ABCF3: variants seen among roughly 807,000 people sequenced by gnomAD.
The protein encoded by ABCF3 is ATP-binding cassette sub-family F member 3.
A neutral mutation model predicts 94.3 loss-of-function variants in ABCF3; 62 were observed. That is an observed-to-expected ratio of 0.66 (90% CI 0.54 to 0.81). ABCF3 has a LOEUF of 0.81. Among genes scored for constraint, ABCF3 ranks in the 40% least tolerant of loss-of-function variants. The pLI is 0.00. For missense variants in ABCF3, 843 were observed against 925.3 expected, an observed-to-expected ratio of 0.91 and a Z score of 1.15; for synonymous variants, 355 against 361.1, an observed-to-expected ratio of 0.98 and a Z score of 0.19.
intron 6 of ABCF3, 23 bp downstream of exon 6, chr3:184,188,006 G>T (rs1248589371): frequency 1.2e-6 from 2 of 1,613,600 alleles, no homozygotes; most frequent in Non-Finnish European, 1.7e-6. Context: ...TGGTGGCAGG[G>T]GTTGGCTTTC....
chr3:184,187,897 C>G lies in ABCF3; in HGVS notation c.483C>G (p.Ser161Arg). 1 of 1,614,124 alleles carries G rather than the reference C, an allele frequency of 6.2e-7. No individual in the cohort carries two copies. Among genetic ancestry groups the G allele is most frequent in the Non-Finnish European group, 8.5e-7 (1 of 1,180,040 alleles). Residue 161 changes from serine (S) to arginine (R), a missense_variant, in exon 6 of 21, where the codon AGC becomes AGG. Ser to Arg is a moderately radical substitution (Grantham distance 110, BLOSUM62 -1). Transcript: ENST00000429586. The stretch of plus-strand genomic sequence containing the variant: ...AGGCATCAGCCAGCCAGGCAGGCAG[C>G]AGAAAGGAGAGTCGGTTGGAATCAT... ...LEEASASQAG[S>R]RKESRLESSG...
rs1715784566 is a variant in ABCF3 at position 184,188,353 on chromosome 3, G to A, written c.782G>A (p.Arg261Gln). The change falls in exon 7 of 21, where the codon CGA becomes CAA. Residue 261 changes from arginine to glutamine, a missense_variant. Physicochemically the swap from Arg to Gln is conservative, Grantham distance 43 (BLOSUM62 1). Transcript: ENST00000429586. ...LQSVLESDSVREDLLRREREL... is the reference protein window; with the variant it reads ...LQSVLESDSVQEDLLRREREL... Reference sequence around the variant, plus strand: ...AGTGTGCTGGAGAGTGACAGTGTGCGAGAGGATTTGCTACGGAGGGAGCGG... The same window carrying A: ...AGTGTGCTGGAGAGTGACAGTGTGCAAGAGGATTTGCTACGGAGGGAGCGG... 5 of 1,613,648 alleles carry A rather than the reference G, an allele frequency of 3.1e-6. No homozygotes were observed. The highest frequency in any genetic ancestry group is 2.7e-5 in the African/African-American group (2 of 74,956).
At position 184,187,443 on chromosome 3, in the gene ABCF3, G is replaced by A; in HGVS notation, c.348G>A (p.Ser116=). The change falls in exon 4 of 21, where the codon TCG becomes TCA. Residue 116 remains serine (S), a splice_region_variant and synonymous_variant. Coordinates refer to ENST00000429586, the MANE Select transcript of ABCF3 (RefSeq NM_018358.3). ...LPGLLKREQS[S]TVNAKKLEKA... ...GACTGCTAAAGAGGGAACAGTCCTCGGTGAGGAGGAGGAAGCAAGGGAGGG... is the reference window on the plus strand; with the variant it reads ...GACTGCTAAAGAGGGAACAGTCCTCAGTGAGGAGGAGGAAGCAAGGGAGGG... 1.9e-6 allele frequency: 3 copies of A among 1,613,364 alleles called. No individual in the cohort carries two copies. The highest frequency in any genetic ancestry group is 2.5e-6 in the Non-Finnish European group (3 of 1,179,920).
In ABCF3 at chr3:184,191,256, G is replaced by A. The variant is rs1716007049; in HGVS notation, c.1569+1G>A. On this transcript the variant is annotated splice_donor_variant, in intron 16 of 20. Transcript: ENST00000429586. LOFTEE classifies it high-confidence loss of function. ...TGATCTCGAGTCTCGCATCTGTGTGGTAAGGCTGCTGTTTCTCTGTGCTGC... is the reference window on the plus strand; with the variant it reads ...TGATCTCGAGTCTCGCATCTGTGTGATAAGGCTGCTGTTTCTCTGTGCTGC... The A allele has an allele frequency of 6.2e-7, 1 of 1,614,032 alleles. No homozygotes were observed. The highest frequency in any genetic ancestry group is 8.5e-7 in the Non-Finnish European group (1 of 1,180,050).
rs1716118577 is a variant in ABCF3 at position 184,192,899 on chromosome 3, G to A, written c.1750+3G>A. Reference sequence around the variant, plus strand: ...ACTGCTGGCACGCAAGTTTCCTGGTGAGTTAGGGATTTGAGTCGGGGGAAG... The same window carrying A: ...ACTGCTGGCACGCAAGTTTCCTGGTAAGTTAGGGATTTGAGTCGGGGGAAG... On this transcript the variant is annotated splice_donor_region_variant and intron_variant, in intron 18 of 20. Transcript: ENST00000429586. The A allele has an allele frequency of 6.2e-7, 1 of 1,613,790 alleles. No homozygotes were observed. Among genetic ancestry groups the A allele is most frequent in the South Asian group, 1.1e-5 (1 of 91,044 alleles).
chr3:184,193,727 C>G lies in ABCF3; in HGVS notation c.*29C>G. 1 of 1,561,976 alleles carries G rather than the reference C, an allele frequency of 6.4e-7. No homozygotes were observed. Among genetic ancestry groups the G allele is most frequent in the Non-Finnish European group, 8.7e-7 (1 of 1,152,346 alleles). On this transcript the variant is annotated 3_prime_UTR_variant, in exon 21 of 21. Coordinates refer to ENST00000429586, the MANE Select transcript of ABCF3 (RefSeq NM_018358.3). The surrounding 1 kb of genome is among the most constrained non-coding windows in gnomAD (Gnocchi z 5.2). The stretch of plus-strand genomic sequence containing the variant: ...CACCAGGCTGAGGACTCGCCCAGGA[C>G]ATGGACTGGTCTCTCAGACCCCTGG...
Position 184,188,971 on chromosome 3 carries a change from G to A in ABCF3, c.960G>A (p.Met320Ile). Residue 320 changes from methionine (M) to isoleucine (I), a missense_variant, in exon 9 of 21, where the codon ATG (methionine) becomes ATA (isoleucine). Physicochemically the swap from Met to Ile is conservative, Grantham distance 10 (BLOSUM62 1). Transcript: ENST00000429586. Reference sequence around the variant, plus strand: ...CTGGGCTTGGCTTTACCCCTAAAATGCAGCAGCAGCCCACCCGGTGAGTGA... The same window carrying A: ...CTGGGCTTGGCTTTACCCCTAAAATACAGCAGCAGCCCACCCGGTGAGTGA... ...ILAGLGFTPK[M>I]QQQPTREFSG... The A allele has an allele frequency of 3.1e-6, 5 of 1,614,212 alleles. No individual in the cohort carries two copies. Among genetic ancestry groups the A allele is most frequent in the South Asian group, 1.1e-5 (1 of 91,088 alleles).
At chr3:184,187,625 C>G (rs1402756166) in intron 4 of ABCF3, 39 bp from the exon 5 acceptor site, 1 of 1,610,030 alleles carries the variant, frequency 6.2e-7, no homozygotes, top group Non-Finnish European at 8.5e-7. Context: ...CTTTCTGAGC[C>G]TACACCCGAG....
At chr3:184,188,041 G>T (rs1715754984) in intron 6 of ABCF3, 58 bp downstream of exon 6, 3 of 1,613,260 alleles carry the variant, frequency 1.9e-6, no homozygotes, top group African/African-American at 2.7e-5. Flanking sequence ...GGACAATTTG[G>T]AGAGGTGAAA....
chr3:184,188,911 C>T lies in ABCF3; in HGVS notation c.918-18C>T, dbSNP rs780652587. The T allele has an allele frequency of 6.8e-6, 11 of 1,614,058 alleles. No homozygotes were observed. Among genetic ancestry groups the T allele is most frequent in the East Asian group, 6.7e-5 (3 of 44,894 alleles). The stretch of plus-strand genomic sequence containing the variant: ...TGTGGACTGTTCCAACTGAGTTCTT[C>T]GATTTCTTCTCTACTAGGGCATCAG... On this transcript the variant is annotated intron_variant, in intron 8 of 20. Transcript: ENST00000429586.
rs1423984939 is a variant in ABCF3 at position 184,193,499 on chromosome 3, C to A, written c.1972-41C>A. ...CCACTCCTCCCAGGCCTCGGTGCCT[C>A]TTGTGTCCCCCTGAGCACCTCCTGC... On this transcript the variant is annotated intron_variant, in intron 20 of 20. Coordinates refer to ENST00000429586, the MANE Select transcript of ABCF3 (RefSeq NM_018358.3). The surrounding 1 kb of genome is among the most constrained non-coding windows in gnomAD (Gnocchi z 5.2). 6.2e-7 allele frequency: 1 copy of A among 1,614,128 alleles called. No homozygotes were observed. The highest frequency in any genetic ancestry group is 8.5e-7 in the Non-Finnish European group (1 of 1,180,002).
intron 1 of ABCF3, 29 bp downstream of exon 1, chr3:184,186,309 G>C (rs767681878): frequency 6.2e-7 from 1 of 1,613,842 alleles, no homozygotes; most frequent in Admixed American, 1.7e-5. Context: ...GCCGGCTGGG[G>C]AGACCGAAGT....
rs1716104460 is a variant in ABCF3, at chr3:184,192,701, C to T, written c.1658+12C>T. 2 of 1,610,014 alleles carry T rather than the reference C, an allele frequency of 1.2e-6. No homozygotes were observed. Among genetic ancestry groups the T allele is most frequent in the Middle Eastern group, 1.7e-4 (1 of 6,030 alleles). On this transcript the variant is annotated intron_variant, in intron 17 of 20. Transcript: ENST00000429586. ...AGACACGCTCACAGGTCAGGCCCAC[C>T]CGCACCCCTGCCCCCATGAGCACAT...
intron 17 of ABCF3, 41 bp from the exon 18 acceptor site, chr3:184,192,764 A>G (rs1477240387): frequency 1.2e-6 from 2 of 1,612,024 alleles, no homozygotes; most frequent in Admixed American, 3.3e-5. Context: ...CTTCGTGGCC[A>G]TTGCCTTTGT....
At chr3:184,189,993 C>A in intron 14 of ABCF3, 62 bp downstream of exon 14, 2 of 1,565,000 alleles carry the variant, frequency 1.3e-6, no homozygotes, top group Non-Finnish European at 1.8e-6. Flanking sequence ...TCCGCATTTG[C>A]ACGCCACCCT....
At chr3:184,188,696 T>C (rs1715808035) in intron 7 of ABCF3, 65 bp from the exon 8 acceptor site, 1 of 1,523,818 alleles carries the variant, frequency 6.6e-7, no homozygotes, top group Admixed American at 1.7e-5. Context: ...TCCAACGGTA[T>C]AGGGTGCAGG....
At position 184,188,237 on chromosome 3, in the gene ABCF3, G is replaced by A. The variant is rs754774008; in HGVS notation, c.666G>A (p.Met222Ile). The change falls in exon 7 of 21, where the codon ATG (methionine) becomes ATA (isoleucine). Residue 222 changes from methionine (M) to isoleucine (I), a missense_variant. Physicochemically the swap from Met to Ile is conservative, Grantham distance 10. Transcript: ENST00000429586. ...TGGGGAAGACAACGTTACTGAAGAT[G>A]CTGGCCACCCGGAGTCTGCGGGTTC... ...NGLGKTTLLK[M>I]LATRSLRVPA... is the part of the protein sequence containing the mutation. 1.9e-6 allele frequency: 3 copies of A among 1,614,158 alleles called. No homozygotes were observed. The highest frequency in any genetic ancestry group is 2.5e-6 in the Non-Finnish European group (3 of 1,180,050).
Position 184,193,118 on chromosome 3 carries a change from G to A in ABCF3, c.1767G>A (p.Glu589=), listed in dbSNP as rs746692823. Residue 589 remains glutamate, a synonymous_variant, in exon 19 of 21, where the codon GAG becomes GAA. Transcript: ENST00000429586. The surrounding 1 kb of genome is among the most constrained non-coding windows in gnomAD (Gnocchi z 5.2). ...CTTTTCCAGGGCGGCCTGAGGAGGA[G>A]TACCGTCACCAGCTGGGTCGGTATG... is the stretch of plus-strand genomic sequence containing the variant. ...ARKFPGRPEE[E]YRHQLGRYGI... 2.6e-6 allele frequency: 4 copies of A among 1,544,190 alleles called. No homozygotes were observed. In the Admixed American group the frequency reaches 8.1e-5, roughly 31 times the overall value.
At position 184,189,454 on chromosome 3, in the gene ABCF3, G is replaced by A; in HGVS notation, c.1113+11G>A. The A allele has an allele frequency of 6.2e-7, 1 of 1,614,116 alleles. No homozygotes were observed. The highest frequency in any genetic ancestry group is 8.5e-7 in the Non-Finnish European group (1 of 1,180,024). On this transcript the variant is annotated intron_variant, in intron 12 of 20. Coordinates refer to ENST00000429586, the MANE Select transcript of ABCF3 (RefSeq NM_018358.3). ...GAGAATTACCTGCAGGTGAGTGCCTGTGGGTGCTGGAGTGTGTTGGGGAAA... is the reference window on the plus strand; with the variant it reads ...GAGAATTACCTGCAGGTGAGTGCCTATGGGTGCTGGAGTGTGTTGGGGAAA...
Sources: gnomAD v4.1 joint callset for allele counts on GRCh38, gnomAD v4.1.1 for gene constraint, Gnocchi (gnomAD v3.1) non-coding constraint, MANE v1.5 for transcripts, NCBI Gene and HGNC (gene_info 2026-07-23, HGNC 2026-07-21) for gene names.